Variants in BORCS5 observed in about 807,000 individuals in gnomAD.
BORCS5 encodes the protein BLOC-1-related complex subunit 5.
BORCS5 carries 17 observed loss-of-function variants against 22.1 expected under a neutral mutation model. The ratio of observed to expected loss-of-function variants is 0.77; its 90% CI spans 0.53 to 1.15. The LOEUF (loss-of-function observed/expected upper bound fraction) is 1.15. Among genes scored for constraint, BORCS5 ranks in the 50% most tolerant of loss-of-function variants. BORCS5 has a pLI of 0.00. For synonymous variants in BORCS5, 117 were observed against 99.8 expected, an observed-to-expected ratio of 1.17 and a Z score of -1.03; for missense variants, 247 against 253.2, an observed-to-expected ratio of 0.98 and a Z score of 0.17.
Position 12,383,029 on chromosome 12 carries a change from C to T in BORCS5, c.202+21680C>T, listed in dbSNP as rs543347429. The stretch of plus-strand genomic sequence containing the variant: ...GGTTAGATTTGCCTTTTTATTATTT[C>T]TTTTCTATACATTCTTGTCTATTTT... On this transcript the variant is annotated intron_variant, in intron 2 of 3. Transcript: ENST00000314565. 1.1e-4 allele frequency among the ~76,000 whole-genome samples: 17 copies of T among 151,416 alleles called. 1 individual carries two copies. Among genetic ancestry groups the T allele is most frequent in the African/African-American group, 3.1e-4 (13 of 41,280 alleles).
At chr12:12,383,551 C>G (rs781179641) in intron 2 of BORCS5, among the ~76,000 whole-genome samples, 1 of 150,886 alleles carries the variant, frequency 6.6e-6, no homozygotes, top group Non-Finnish European at 1.5e-5. Flanking sequence ...TTTAATGTTA[C>G]AAATTCACTA....
intron 2 of BORCS5, among the ~76,000 whole-genome samples, chr12:12,386,119 G>A (rs1259564906): frequency 1.3e-5 from 2 of 150,224 alleles, no homozygotes; most frequent in Non-Finnish European, 3.0e-5. Flanking sequence ...TCGTACCTCA[G>A]TCTCTTGAGT....
intron 2 of BORCS5, among the ~76,000 whole-genome samples, chr12:12,385,174 C>T (rs1054128426): frequency 6.6e-6 from 1 of 151,548 alleles, no homozygotes; most frequent in Non-Finnish European, 1.5e-5. Context: ...GCTAGGAGCA[C>T]GTGACTGGTT....
chr12:12,434,007 G>T (rs993031729), intron 2 of BORCS5, among the ~76,000 whole-genome samples: 1 of 152,038 alleles, frequency 6.6e-6, no homozygotes, highest in African/African-American at 2.4e-5. Flanking sequence ...GGGTCGGTGA[G>T]GAAGGGTTCC....
At chr12:12,363,479 G>A (rs901435594) in intron 2 of BORCS5, among the ~76,000 whole-genome samples, 61 of 151,974 alleles carry the variant, frequency 4.0e-4, no homozygotes, top group African/African-American at 1.4e-3. Context: ...GCTTACGCCT[G>A]TAAAACAGCA....
chr12:12,417,656 A>C (rs1942004782), intron 2 of BORCS5, among the ~76,000 whole-genome samples: 1 of 152,048 alleles, frequency 6.6e-6, no homozygotes, highest in African/African-American at 2.4e-5. Flanking sequence ...AATGTTTATA[A>C]TTTTTAAATC....
In BORCS5 at chr12:12,465,756, G is replaced by C. The variant is rs3751262; in HGVS notation, c.571G>C (p.Asp191His). Residue 191 changes from aspartate to histidine, a missense_variant, in exon 4 of 4, where the codon GAC (aspartate) becomes CAC (histidine). By Grantham distance (81) the Asp-to-His change is moderately conservative (BLOSUM62 -1). Transcript: ENST00000314565. ...ERLEPFSMKP[D>H]RELRL The stretch of plus-strand genomic sequence containing the variant: ...GCTGGAGCCCTTCAGCATGAAGCCC[G>C]ACCGCGAGCTCAGGCTGTAGCTGCT... 1.9e-6 allele frequency: 3 copies of C among 1,612,964 alleles called. No homozygotes were observed. The highest frequency in any genetic ancestry group is 3.3e-4 in the Middle Eastern group (2 of 6,046).
At chr12:12,433,053 G>T (rs143218437) in intron 2 of BORCS5, among the ~76,000 whole-genome samples, 1 of 152,178 alleles carries the variant, frequency 6.6e-6, no homozygotes, top group East Asian at 1.9e-4. Context: ...GGAAATCTGG[G>T]CTGGGCACAG....
intron 3 of BORCS5, 50 bp from the exon 4 acceptor site, chr12:12,465,496 A>G: frequency 6.5e-7 from 1 of 1,532,110 alleles, no homozygotes; most frequent in Non-Finnish European, 9.0e-7. Context: ...GGCCCTGCGG[A>G]GAGGACTTGA....
At chr12:12,398,590 C>T (rs891550832) in intron 2 of BORCS5, among the ~76,000 whole-genome samples, 2 of 152,156 alleles carry the variant, frequency 1.3e-5, no homozygotes, top group African/African-American at 2.4e-5. Context: ...AGAATGGCCC[C>T]TGTAGCTCTT....
chr12:12,358,100 G>C (rs1863188052), intron 1 of BORCS5, among the ~76,000 whole-genome samples: 2 of 152,204 alleles, frequency 1.3e-5, no homozygotes. Flanking sequence ...AAGCGTTTGA[G>C]ACAAGAATGG....
chr12:12,365,381 T>G (rs1005189235), intron 2 of BORCS5, among the ~76,000 whole-genome samples: 1 of 151,606 alleles, frequency 6.6e-6, no homozygotes, highest in African/African-American at 2.4e-5. Context: ...GGTTTCACTA[T>G]GTTGCCCATG....
intron 2 of BORCS5, among the ~76,000 whole-genome samples, chr12:12,422,929 G>A (rs1270053641): frequency 1.3e-5 from 2 of 150,932 alleles, no homozygotes; most frequent in Non-Finnish European, 1.5e-5. Context: ...ACAAACCATG[G>A]TTACAAAAGA....
At chr12:12,416,945 C>G (rs934211856) in intron 2 of BORCS5, among the ~76,000 whole-genome samples, 2 of 151,242 alleles carry the variant, frequency 1.3e-5, no homozygotes, top group African/African-American at 2.4e-5. Context: ...CCATGCCTGG[C>G]TACTTTTTGT....
chr12:12,445,841 G>C (rs1304334615), intron 3 of BORCS5, among the ~76,000 whole-genome samples: 5 of 144,534 alleles, frequency 3.5e-5, no homozygotes, highest in African/African-American at 5.2e-5. Context: ...ACAGGGTCTC[G>C]CTAGGTTTCC....
chr12:12,442,653 T>C (rs1042131839), intron 3 of BORCS5, among the ~76,000 whole-genome samples: 1 of 152,102 alleles, frequency 6.6e-6, no homozygotes, highest in Admixed American at 6.5e-5. Flanking sequence ...GATCTTCGAG[T>C]GTATATGGGA....
In BORCS5 at chr12:12,468,363, G is replaced by T. The variant is rs1322264100; in HGVS notation, c.*2587G>T. On this transcript the variant is annotated 3_prime_UTR_variant, in exon 4 of 4. Coordinates refer to ENST00000314565, the MANE Select transcript of BORCS5 (RefSeq NM_058169.6). ...AGAAGCAGTTATGCTGGATCTCTTT[G>T]TTGGTTAATACCCCATGACCTATCT... 1 of 152,194 alleles carries T rather than the reference G, an allele frequency of 6.6e-6. No individual in the cohort carries two copies. The highest frequency in any genetic ancestry group is 2.4e-5 in the African/African-American group (1 of 41,446). 9.4% of individuals were successfully genotyped at this position (152,194 alleles called of 1,614,324 possible).
At chr12:12,452,139 A>C (rs187352265) in intron 3 of BORCS5, 3 of 554,392 alleles carry the variant, frequency 5.4e-6, no homozygotes, top group Non-Finnish European at 1.1e-5. Flanking sequence ...CTTTATAGTA[A>C]TGTCACCAAT....
At chr12:12,392,071 G>C (rs1262384117) in intron 2 of BORCS5, among the ~76,000 whole-genome samples, 2 of 138,384 alleles carry the variant, frequency 1.4e-5, no homozygotes, top group Non-Finnish European at 3.2e-5. Flanking sequence ...AAAAAATAGA[G>C]ACAAAGCTAA....
Sources: allele counts gnomAD v4.1 joint callset (sites outside exome capture counted in the v4.1 genomes callset), GRCh38; gene constraint gnomAD v4.1.1; transcripts MANE v1.5; gene names NCBI Gene and HGNC (gene_info 2026-07-23, HGNC 2026-07-21).